PDE4B: variants seen among roughly 807,000 people sequenced by gnomAD.
PDE4B encodes the protein phosphodiesterase 4B, also known as 3',5'-cyclic-AMP phosphodiesterase 4B.
In PDE4B, 20 loss-of-function variants were observed where a neutral mutation model predicts 82.2. The ratio of observed to expected loss-of-function variants is 0.24; its 90% CI spans 0.17 to 0.35. The LOEUF is 0.35. Ranked by LOEUF, PDE4B falls within the 10% of genes least tolerant of loss-of-function variation. The pLI is 1.00. For missense variants in PDE4B, 655 were observed against 907.2 expected, an observed-to-expected ratio of 0.72 and a Z score of 3.57; for synonymous variants, 320 against 318.9, an observed-to-expected ratio of 1.00 and a Z score of -0.04.
chr1:66,208,955 G>A (rs1338395745), intron 3 of PDE4B, among the ~76,000 whole-genome samples: 6 of 152,166 alleles, frequency 3.9e-5, no homozygotes, highest in Admixed American at 6.5e-5. Context: ...TGACTAAATG[G>A]CAGCAGACCA....
intron 3 of PDE4B, chr1:66,046,202 A>G (rs1402882719): frequency 6.6e-6 from 1 of 151,764 alleles, no homozygotes; most frequent in Non-Finnish European, 1.5e-5. Context: ...AATGTACGTG[A>G]TATGGAGAGT....
chr1:65,826,307 T>C (rs1456359555), intron 1 of PDE4B, among the ~76,000 whole-genome samples: 1 of 152,236 alleles, frequency 6.6e-6, no homozygotes, highest in Admixed American at 6.5e-5. Flanking sequence ...TGGGACTTTT[T>C]ATTCTAGGGA....
chr1:65,962,295 C>G (rs1649583404), intron 3 of PDE4B, among the ~76,000 whole-genome samples: 1 of 152,088 alleles, frequency 6.6e-6, no homozygotes, highest in Non-Finnish European at 1.5e-5. Flanking sequence ...TCAGTTGAAC[C>G]ATTGTAAGTT....
At chr1:66,205,245 T>A (rs1649453479) in intron 3 of PDE4B, among the ~76,000 whole-genome samples, 1 of 152,214 alleles carries the variant, frequency 6.6e-6, no homozygotes, top group Non-Finnish European at 1.5e-5. Context: ...CAAGACATAG[T>A]TGCTTCTACT....
chr1:65,848,926 G>A (rs983026367), intron 1 of PDE4B, among the ~76,000 whole-genome samples: 6 of 151,934 alleles, frequency 3.9e-5, no homozygotes, highest in Non-Finnish European at 7.4e-5. Context: ...TCAAGAGACA[G>A]GAACCACACC....
chr1:66,106,652 C>G (rs1424865596), intron 3 of PDE4B, among the ~76,000 whole-genome samples: 1 of 151,994 alleles, frequency 6.6e-6, no homozygotes, highest in African/African-American at 2.4e-5. Flanking sequence ...CAACTTCTTC[C>G]TGGTTTGGTC....
At chr1:66,341,955 G>T (rs796980710) in intron 8 of PDE4B, among the ~76,000 whole-genome samples, 1 of 152,146 alleles carries the variant, frequency 6.6e-6, no homozygotes. Context: ...CAATGGTGTT[G>T]GCAGCTGCCT....
At chr1:66,228,533 A>G (rs1570513091) in intron 3 of PDE4B, among the ~76,000 whole-genome samples, 1 of 151,866 alleles carries the variant, frequency 6.6e-6, no homozygotes, top group Admixed American at 6.6e-5. Flanking sequence ...CTGAGGCAGG[A>G]GAATGGCATG....
chr1:65,862,430 G>A lies in PDE4B; in HGVS notation c.-70-50815G>A, dbSNP rs184709075. Among the ~76,000 whole-genome samples, 94 of 152,312 alleles carry A rather than the reference G, an allele frequency of 6.2e-4. 1 individual carries two copies. Among genetic ancestry groups the A allele is most frequent in the Admixed American group, 4.0e-3 (61 of 15,302 alleles). On this transcript the variant is annotated intron_variant, in intron 1 of 16. Coordinates refer to ENST00000341517, the MANE Select transcript of PDE4B (RefSeq NM_002600.4). ...GATCGTGGTAGATAAGCTTTTTGAT[G>A]TGCAACTGGATTCGGTTTGCCAGTA... is the stretch of plus-strand genomic sequence containing the variant.
intron 1 of PDE4B, among the ~76,000 whole-genome samples, chr1:65,880,266 G>GACAGA (rs1158641518): frequency 6.6e-6 from 1 of 152,186 alleles, no homozygotes; most frequent in Non-Finnish European, 1.5e-5. Flanking sequence ...AGACAAGGGT[G>GACAGA]ATTCATACCA....
At chr1:66,175,452 T>A (rs1241190020) in intron 3 of PDE4B, among the ~76,000 whole-genome samples, 1 of 152,220 alleles carries the variant, frequency 6.6e-6, no homozygotes, top group Non-Finnish European at 1.5e-5. Flanking sequence ...GTCCCTGTGA[T>A]GAAAATAAAA....
At chr1:65,832,403 A>G (rs545114221) in intron 1 of PDE4B, among the ~76,000 whole-genome samples, 4 of 152,340 alleles carry the variant, frequency 2.6e-5, no homozygotes, top group Admixed American at 6.5e-5. Context: ...CTTGGTCGAG[A>G]GTGATTTAAA....
intron 3 of PDE4B, among the ~76,000 whole-genome samples, chr1:66,226,668 T>G (rs1001952306): frequency 6.6e-6 from 1 of 152,226 alleles, no homozygotes; most frequent in Non-Finnish European, 1.5e-5. Context: ...GAAGGAAAAT[T>G]GTATAAAATG....
rs575259426 is a variant in PDE4B at position 66,332,769 on chromosome 1, G to A, written c.747+149G>A. On this transcript the variant is annotated intron_variant, in intron 8 of 16. Transcript: ENST00000341517. ...TGTCTAGAAGATTCTCTTCCAAAGT[G>A]TCACACTCTACTTGTGTCTTGATGC... 9 of 678,330 alleles carry A rather than the reference G, an allele frequency of 1.3e-5. No individual in the cohort carries two copies. In the African/African-American group the frequency reaches 1.6e-4, roughly 12 times the overall value. The allele number at this position is 678,330 out of a possible 1,614,324, so 42.0% of individuals were successfully genotyped here.
intron 3 of PDE4B, among the ~76,000 whole-genome samples, chr1:66,107,520 CA>C (rs5774797): frequency 0.43 from 64,148 of 147,816 alleles, 14,620 homozygotes; most frequent in Non-Finnish European, 0.5. Context: ...ACAAAACAAA[CA>C]AAAAAAAAAA....
chr1:66,327,935 T>C (rs750166242), intron 7 of PDE4B, among the ~76,000 whole-genome samples: 13 of 152,230 alleles, frequency 8.5e-5, no homozygotes, highest in South Asian at 2.1e-4. Context: ...GACCAAGATA[T>C]AGTCTTGCTA....
chr1:66,008,084 C>T (rs1652253959), intron 3 of PDE4B, among the ~76,000 whole-genome samples: 1 of 152,140 alleles, frequency 6.6e-6, no homozygotes, highest in South Asian at 2.1e-4. Context: ...AAAGCTTCCT[C>T]CCAGGAAGGC....
rs572882789 is a variant in PDE4B at position 65,858,894 on chromosome 1, T to C, written c.-70-54351T>C. On this transcript the variant is annotated intron_variant, in intron 1 of 16. Transcript: ENST00000341517. ...AAAGATGCAGTTCAGCTCTGAACCA[T>C]TCTGTAATAGACCATTATTAAGAGA... 2.0e-5 allele frequency among the ~76,000 whole-genome samples: 3 copies of C among 152,322 alleles called. No homozygotes were observed. In the South Asian group the frequency reaches 6.2e-4, roughly 32 times the overall value.
Position 66,032,438 on chromosome 1 carries a change from A to G in PDE4B, c.281+113603A>G, listed in dbSNP as rs150639116. ...CACATATAAAGTGTATCCATTTTGAATAATACATTTAAAGGGATACTTTAT... is the reference window on the plus strand; with the variant it reads ...CACATATAAAGTGTATCCATTTTGAGTAATACATTTAAAGGGATACTTTAT... On this transcript the variant is annotated intron_variant, in intron 3 of 16. Coordinates refer to ENST00000341517, the MANE Select transcript of PDE4B (RefSeq NM_002600.4). Among the ~76,000 whole-genome samples the G allele has an allele frequency of 3.8e-4, 58 of 152,316 alleles. No individual in the cohort carries two copies. In the East Asian group the frequency reaches 9.8e-3, roughly 26 times the overall value.
Sources: gnomAD v4.1 joint callset for allele counts (sites outside exome capture counted in the v4.1 genomes callset) on GRCh38, gnomAD v4.1.1 for gene constraint, MANE v1.5 for transcripts, NCBI Gene and HGNC (gene_info 2026-07-23, HGNC 2026-07-21) for gene names.